ERBB4: variants seen among roughly 807,000 people sequenced by gnomAD.
The protein encoded by ERBB4 is receptor tyrosine-protein kinase erbB-4.
In ERBB4, 42 loss-of-function variants were observed where a neutral mutation model predicts 158.0. That is an observed-to-expected ratio of 0.27 (90% CI 0.21 to 0.34). The LOEUF is 0.34. Ranked by LOEUF, ERBB4 falls within the 10% of genes least tolerant of loss-of-function variation. ERBB4 has a pLI of 1.00. For synonymous variants in ERBB4, 583 were observed against 558.7 expected, an observed-to-expected ratio of 1.04 and a Z score of -0.61; for missense variants, 1,333 against 1,624.1, an observed-to-expected ratio of 0.82 and a Z score of 3.08.
intron 1 of ERBB4, among the ~76,000 whole-genome samples, chr2:212,202,958 T>C (rs1272847080): frequency 6.6e-6 from 1 of 151,558 alleles, no homozygotes; most frequent in Non-Finnish European, 1.5e-5. Flanking sequence ...ATAATAATAC[T>C]ATACATTTAT....
intron 20 of ERBB4, among the ~76,000 whole-genome samples, chr2:211,437,964 A>G (rs1481386072): frequency 6.6e-6 from 1 of 152,172 alleles, no homozygotes; most frequent in Non-Finnish European, 1.5e-5. Flanking sequence ...ATCTTTTTGG[A>G]TGAAGTAGCC....
chr2:212,385,750 T>A (rs2090654969), intron 1 of ERBB4, among the ~76,000 whole-genome samples: 1 of 151,876 alleles, frequency 6.6e-6, no homozygotes, highest in South Asian at 2.1e-4. Flanking sequence ...AAACTTCAAG[T>A]GGAAAGAATG....
At chr2:211,725,560 C>T (rs1031840967) in intron 5 of ERBB4, among the ~76,000 whole-genome samples, 15 of 151,982 alleles carry the variant, frequency 9.9e-5, no homozygotes, top group African/African-American at 2.7e-4. Context: ...CAGTGGGCTA[C>T]GACTGCACTT....
At chr2:211,482,296 T>C (rs965946385) in intron 20 of ERBB4, among the ~76,000 whole-genome samples, 3 of 152,204 alleles carry the variant, frequency 2.0e-5, no homozygotes, top group African/African-American at 7.2e-5. Context: ...AAATAATCTC[T>C]GTTCCCAATA....
intron 25 of ERBB4, among the ~76,000 whole-genome samples, chr2:211,415,943 AAG>A (rs1340007114): frequency 2.6e-5 from 4 of 152,222 alleles, no homozygotes; most frequent in Non-Finnish European, 5.9e-5. Context: ...AGAAGGGAAA[AAG>A]AAGTTACATT....
intron 1 of ERBB4, among the ~76,000 whole-genome samples, chr2:212,186,857 C>A (rs1269775076): frequency 6.6e-6 from 1 of 152,066 alleles, no homozygotes; most frequent in Non-Finnish European, 1.5e-5. Context: ...TATATTATAG[C>A]AGTTATTTCT....
chr2:211,391,737 AACC>A (rs2062803880), intron 25 of ERBB4, among the ~76,000 whole-genome samples: 1 of 152,174 alleles, frequency 6.6e-6, no homozygotes, highest in Non-Finnish European at 1.5e-5. Context: ...TAAATATTAG[AACC>A]TTTGTCTCAT....
At chr2:212,164,759 C>T (rs954336079) in intron 1 of ERBB4, among the ~76,000 whole-genome samples, 1 of 151,894 alleles carries the variant, frequency 6.6e-6, no homozygotes, top group Non-Finnish European at 1.5e-5. Context: ...CTATTTTCAA[C>T]CTCTTGTCAT....
intron 2 of ERBB4, among the ~76,000 whole-genome samples, chr2:212,051,173 A>G (rs1309801101): frequency 6.6e-6 from 1 of 152,126 alleles, no homozygotes; most frequent in Non-Finnish European, 1.5e-5. Context: ...TTGAAAGGTA[A>G]TATTTGGGTT....
intron 1 of ERBB4, among the ~76,000 whole-genome samples, chr2:212,257,880 A>G (rs1478561989): frequency 1.3e-5 from 2 of 152,124 alleles, no homozygotes; most frequent in Non-Finnish European, 2.9e-5. Flanking sequence ...TCTAATGGTT[A>G]AGTGACTGTG....
chr2:212,203,338 C>A (rs536703911), intron 1 of ERBB4, among the ~76,000 whole-genome samples: 1 of 152,116 alleles, frequency 6.6e-6, no homozygotes, highest in African/African-American at 2.4e-5. Flanking sequence ...AAAAGAAGTT[C>A]CTAAGGCAGA....
intron 20 of ERBB4, among the ~76,000 whole-genome samples, chr2:211,465,452 T>TA (rs142581594): frequency 6.6e-6 from 1 of 152,000 alleles, no homozygotes; most frequent in Non-Finnish European, 1.5e-5. Context: ...ATCATAGCTT[T>TA]AAAAAAATAC....
In ERBB4 at chr2:212,384,938, CACACACACAA is replaced by C. The variant is rs1301402294; in HGVS notation, c.82+153501_82+153510del. Reference sequence around the variant, plus strand: ...ATATATATACACACACACACACACTCACACACACAAACACACACACATTATAACTACTACC... The same window carrying C: ...ATATATATACACACACACACACACTCACACACACACATTATAACTACTACC... On this transcript the variant is annotated intron_variant, in intron 1 of 27. Transcript: ENST00000342788. Among the ~76,000 whole-genome samples, 5 of 146,758 alleles carry C rather than the reference CACACACACAA, an allele frequency of 3.4e-5. No individual in the cohort carries two copies. In the East Asian group the frequency reaches 5.9e-4, roughly 17 times the overall value.
In ERBB4 at chr2:211,899,254, C is replaced by T. The variant is rs140514512; in HGVS notation, c.421+48176G>A. ...ATTCCTTCACATTTCATCTGATGTA[C>T]TTGTTGAAATGACTATAGAATTCAT... On this transcript the variant is annotated intron_variant, in intron 3 of 27. Transcript: ENST00000342788. Among the ~76,000 whole-genome samples, 52 of 152,162 alleles carry T rather than the reference C, an allele frequency of 3.4e-4. 1 individual carries two copies. In the East Asian group the frequency reaches 9.7e-3, roughly 28 times the overall value.
chr2:212,329,636 T>G lies in ERBB4; in HGVS notation c.83-204733A>C, dbSNP rs111955297. Among the ~76,000 whole-genome samples the G allele has an allele frequency of 7.2e-5, 11 of 152,136 alleles. 1 individual carries two copies. Among genetic ancestry groups the G allele is most frequent in the African/African-American group, 2.4e-4 (10 of 41,556 alleles). ...CCCTAGAGATTAGATTCATCAGGTG[T>G]AGGATATGTCTTAAAGTTTAAAAAC... On this transcript the variant is annotated intron_variant, in intron 1 of 27. Coordinates refer to ENST00000342788, the MANE Select transcript of ERBB4 (RefSeq NM_005235.3).
At chr2:211,585,244 C>T (rs989191701) in intron 19 of ERBB4, among the ~76,000 whole-genome samples, 8 of 150,746 alleles carry the variant, frequency 5.3e-5, no homozygotes, top group Non-Finnish European at 8.8e-5. Context: ...CCCAGCTACT[C>T]GGGAGACTGA....
chr2:212,019,157 G>C (rs1300628377), intron 2 of ERBB4, among the ~76,000 whole-genome samples: 1 of 152,134 alleles, frequency 6.6e-6, no homozygotes, highest in Non-Finnish European at 1.5e-5. Flanking sequence ...TAGAATATCT[G>C]AGAAATTAGC....
rs2062692759 is a variant in ERBB4, at chr2:211,386,764, A to G, written c.3481+89T>C. On this transcript the variant is annotated intron_variant, in intron 27 of 27. Coordinates refer to ENST00000342788, the MANE Select transcript of ERBB4 (RefSeq NM_005235.3). ...CTGGATCACAAATGTTGTGCTGGTC[A>G]GCTATCTGGCAATTTCTATTCTGTA... 5 of 1,308,230 alleles carry G rather than the reference A, an allele frequency of 3.8e-6. No individual in the cohort carries two copies. The Admixed American group carries it at 8.8e-5, about 23-fold the overall frequency. 81.0% of individuals were successfully genotyped at this position (1,308,230 alleles called of 1,614,324 possible).
chr2:212,460,308 C>A (rs1326460122), intron 1 of ERBB4, among the ~76,000 whole-genome samples: 1 of 152,086 alleles, frequency 6.6e-6, no homozygotes. Context: ...TGAAAAGATA[C>A]CCCAAAATGT....
Sources: gnomAD v4.1 joint callset for allele counts (sites outside exome capture counted in the v4.1 genomes callset) on GRCh38, gnomAD v4.1.1 for gene constraint, MANE v1.5 for transcripts, NCBI Gene and HGNC (gene_info 2026-07-23, HGNC 2026-07-21) for gene names.